Variants in RBFOX1 observed in about 807,000 individuals in gnomAD.
RBFOX1 encodes the protein RNA binding protein fox-1 homolog 1.
A neutral mutation model predicts 57.7 loss-of-function variants in RBFOX1; 8 were observed. The observed-to-expected ratio is 0.14, with a 90% CI of 0.08 to 0.25. RBFOX1 has a LOEUF of 0.25. Ranked by LOEUF, RBFOX1 falls within the 10% of genes least tolerant of loss-of-function variation. The pLI, the probability that RBFOX1 is intolerant of heterozygous loss-of-function variation, is 1.00. For synonymous variants in RBFOX1, 326 were observed against 222.4 expected (o/e 1.47, Z -4.15); for missense variants, 611 against 548.5 (o/e 1.11, Z -1.14).
intron 2 of RBFOX1, among the ~76,000 whole-genome samples, chr16:6,325,772 C>T (rs1223995140): frequency 6.6e-6 from 1 of 152,000 alleles, no homozygotes. Context: ...AGCTCCAAAG[C>T]AAAAAAACAC....
chr16:7,361,953 G>A (rs916631648), intron 4 of RBFOX1, among the ~76,000 whole-genome samples: 6 of 151,830 alleles, frequency 4.0e-5, no homozygotes, highest in Admixed American at 1.3e-4. Context: ...TGCATGTTTT[G>A]TGTGTATGTT....
At chr16:6,380,104 G>T (rs1392818578) in intron 2 of RBFOX1, among the ~76,000 whole-genome samples, 2 of 152,126 alleles carry the variant, frequency 1.3e-5, no homozygotes, top group African/African-American at 4.8e-5. Flanking sequence ...TCTCCTCTGA[G>T]GTAGGAGGCA....
intron 4 of RBFOX1, among the ~76,000 whole-genome samples, chr16:7,506,176 C>A (rs966606766): frequency 7.5e-5 from 7 of 92,916 alleles, no homozygotes; most frequent in African/African-American, 3.1e-4. Context: ...CAGAGCAAGA[C>A]TCTGTCTCAA....
intron 4 of RBFOX1, among the ~76,000 whole-genome samples, chr16:7,215,837 G>A (rs1603280705): frequency 6.7e-6 from 1 of 149,706 alleles, no homozygotes; most frequent in African/African-American, 2.5e-5. Context: ...CCATTCTCCT[G>A]CCTCAGCCTC....
intron 4 of RBFOX1, among the ~76,000 whole-genome samples, chr16:7,365,212 G>A (rs1272965549): frequency 2.0e-5 from 3 of 152,118 alleles, no homozygotes; most frequent in African/African-American, 7.2e-5. Flanking sequence ...ATCTTTGTGA[G>A]ATATAAATGT....
chr16:6,997,481 A>AAGAT (rs2092365330), intron 3 of RBFOX1, among the ~76,000 whole-genome samples: 2 of 152,194 alleles, frequency 1.3e-5, no homozygotes, highest in African/African-American at 2.4e-5. Flanking sequence ...AGTTAATGTT[A>AAGAT]ACAATTTTAA....
intron 3 of RBFOX1, among the ~76,000 whole-genome samples, chr16:5,730,244 CT>C (rs1244784608): frequency 5.3e-5 from 8 of 152,142 alleles, no homozygotes; most frequent in African/African-American, 1.9e-4. Context: ...GGTTTATTCT[CT>C]TTTTTTCTTT....
intron 3 of RBFOX1, among the ~76,000 whole-genome samples, chr16:5,702,126 T>C (rs1353215326): frequency 3.3e-5 from 5 of 152,318 alleles, no homozygotes; most frequent in African/African-American, 4.8e-5. Flanking sequence ...CTCACACTGC[T>C]GTAAAGAACT....
chr16:5,374,401 C>T (rs907430544), intron 1 of RBFOX1, among the ~76,000 whole-genome samples: 45 of 151,464 alleles, frequency 3.0e-4, no homozygotes, highest in Non-Finnish European at 1.2e-4. Flanking sequence ...TTGAGTTAGT[C>T]CTTAAATTTG....
intron 4 of RBFOX1, among the ~76,000 whole-genome samples, chr16:7,353,378 C>T (rs984721538): frequency 1.3e-5 from 2 of 152,010 alleles, no homozygotes; most frequent in Non-Finnish European, 2.9e-5. Context: ...TGTAAAATTC[C>T]GCAGCTACTT....
At chr16:7,245,102 G>C (rs11077162) in intron 4 of RBFOX1, among the ~76,000 whole-genome samples, 100,071 of 152,048 alleles carry the variant, frequency 0.66, 35,133 homozygotes, top group African/African-American at 0.91. Flanking sequence ...GGTGCTGTAT[G>C]TCCATTTAAT....
intron 1 of RBFOX1, among the ~76,000 whole-genome samples, chr16:6,193,570 A>G (rs1367898523): frequency 1.3e-5 from 2 of 151,216 alleles, no homozygotes; most frequent in Non-Finnish European, 2.9e-5. Context: ...AAAGATGCTA[A>G]TAGGGGCTAC....
At chr16:6,197,061 A>T (rs1321445820) in intron 1 of RBFOX1, among the ~76,000 whole-genome samples, 1 of 152,212 alleles carries the variant, frequency 6.6e-6, no homozygotes, top group Non-Finnish European at 1.5e-5. Context: ...TCCATTAGTT[A>T]AAAATGTCCA....
intron 1 of RBFOX1, among the ~76,000 whole-genome samples, chr16:6,028,644 G>T (rs2095241619): frequency 6.6e-6 from 1 of 151,970 alleles, no homozygotes; most frequent in South Asian, 2.1e-4. Flanking sequence ...TTGTGCCACT[G>T]CACTCCATCC....
intron 15 of RBFOX1, chr16:7,709,581 T>A: frequency 6.5e-7 from 1 of 1,529,972 alleles, no homozygotes; most frequent in Non-Finnish European, 8.8e-7. Flanking sequence ...AGAATCTGAC[T>A]GCCTCTCCTC....
At chr16:5,710,038 T>C (rs1294710552) in intron 3 of RBFOX1, among the ~76,000 whole-genome samples, 1 of 150,380 alleles carries the variant, frequency 6.6e-6, no homozygotes, top group African/African-American at 2.5e-5. Context: ...GTTTTGTGAT[T>C]TTTAAGTGCC....
rs548042077 is a variant in RBFOX1 at position 7,005,592 on chromosome 16, C to T, written c.-15-46465C>T. On this transcript the variant is annotated intron_variant, in intron 3 of 15. Coordinates refer to ENST00000550418, the MANE Select transcript of RBFOX1 (RefSeq NM_018723.4). ...TCCTGAAAGATCCTATTAGTGATGG[C>T]TTGGTGTTGGTAGGAGGTGGCTTGA... Among the ~76,000 whole-genome samples, 16 of 152,254 alleles carry T rather than the reference C, an allele frequency of 1.1e-4. No homozygotes were observed. In the East Asian group the frequency reaches 1.7e-3, roughly 17 times the overall value.
At chr16:7,086,721 T>TACACAC (rs71280731) in intron 4 of RBFOX1, among the ~76,000 whole-genome samples, 1 of 149,476 alleles carries the variant, frequency 6.7e-6, no homozygotes, top group Non-Finnish European at 1.5e-5. Context: ...GAAGAATGTA[T>TACACAC]ACACACACAC....
intron 2 of RBFOX1, among the ~76,000 whole-genome samples, chr16:6,503,947 C>T (rs2096015047): frequency 6.6e-6 from 1 of 152,216 alleles, no homozygotes; most frequent in South Asian, 2.1e-4. Flanking sequence ...ATCCCTAAAT[C>T]ATCTTTGGCA....
Sources: gnomAD v4.1 joint callset for allele counts (sites outside exome capture counted in the v4.1 genomes callset) on GRCh38, gnomAD v4.1.1 for gene constraint, MANE v1.5 for transcripts, NCBI Gene and HGNC (gene_info 2026-07-23, HGNC 2026-07-21) for gene names.